IL12RB2: variants seen among roughly 807,000 people sequenced by gnomAD.
IL12RB2 encodes the protein interleukin 12 receptor subunit beta 2, also known as interleukin-12 receptor subunit beta-2.
IL12RB2 carries 82 observed loss-of-function variants against 89.4 expected under a neutral mutation model. The ratio of observed to expected loss-of-function variants is 0.92; its 90% CI spans 0.77 to 1.10. IL12RB2 has a LOEUF of 1.10. Among genes scored for constraint, IL12RB2 ranks in the 50% least tolerant of loss-of-function variants. IL12RB2 has a pLI of 0.00. For missense variants in IL12RB2, 963 were observed against 1,031.9 expected, an observed-to-expected ratio of 0.93 and a Z score of 0.92; for synonymous variants, 368 against 370.1, an observed-to-expected ratio of 0.99 and a Z score of 0.07.
chr1:67,326,192 A>G (rs1460073458), intron 4 of IL12RB2, among the ~76,000 whole-genome samples: 1 of 152,230 alleles, frequency 6.6e-6, no homozygotes, highest in Non-Finnish European at 1.5e-5. Flanking sequence ...TGAAGAAAGC[A>G]AATAAGTCTC....
chr1:67,365,009 C>G (rs919050516), intron 10 of IL12RB2, among the ~76,000 whole-genome samples: 5 of 152,180 alleles, frequency 3.3e-5, no homozygotes, highest in Admixed American at 3.3e-4. Flanking sequence ...AGAAAGATAG[C>G]TGGAAAATCC....
intron 1 of IL12RB2, among the ~76,000 whole-genome samples, chr1:67,312,270 A>G (rs936731939): frequency 6.6e-6 from 1 of 152,176 alleles, no homozygotes; most frequent in African/African-American, 2.4e-5. Context: ...CAGAGAGTGA[A>G]TCAGAGAAGG....
intron 2 of IL12RB2, among the ~76,000 whole-genome samples, chr1:67,319,810 G>T (rs1355399702): frequency 6.6e-6 from 1 of 152,092 alleles, no homozygotes; most frequent in Non-Finnish European, 1.5e-5. Flanking sequence ...AGGAGATGGG[G>T]TCTTTGGGAG....
In IL12RB2 at chr1:67,315,461, A is replaced by C. The variant is rs189211419; in HGVS notation, c.-37+1461A>C. Among the ~76,000 whole-genome samples, 14 of 152,254 alleles carry C rather than the reference A, an allele frequency of 9.2e-5. No individual in the cohort carries two copies. The East Asian group carries it at 2.7e-3, about 29-fold the overall frequency. Reference sequence around the variant, plus strand: ...TCAGTTATCTTCCAGTTCAATCCATAATTTTATCTATGCCAGAATATTCCA... The same window carrying C: ...TCAGTTATCTTCCAGTTCAATCCATCATTTTATCTATGCCAGAATATTCCA... On this transcript the variant is annotated intron_variant, in intron 2 of 16. Transcript: ENST00000674203.
chr1:67,318,810 A>G (rs146653006), intron 2 of IL12RB2, among the ~76,000 whole-genome samples: 5 of 152,008 alleles, frequency 3.3e-5, no homozygotes, highest in African/African-American at 1.2e-4. Context: ...GAGTTGATCT[A>G]CTCTGAAATC....
intron 13 of IL12RB2, among the ~76,000 whole-genome samples, chr1:67,376,048 A>G (rs762254517): frequency 3.3e-5 from 5 of 151,890 alleles, no homozygotes; most frequent in Admixed American, 1.3e-4. Flanking sequence ...GGGTTTCACC[A>G]TGTTAGCCAG....
chr1:67,372,390 C>T (rs1358203226), intron 11 of IL12RB2, 46 bp from the exon 12 acceptor site: 4 of 1,001,056 alleles, frequency 4.0e-6, no homozygotes, highest in Non-Finnish European at 6.4e-6. Flanking sequence ...TTTAGTGACT[C>T]ACCAGTAATG....
chr1:67,313,694 C>T (rs1004034292), intron 1 of IL12RB2, among the ~76,000 whole-genome samples: 24 of 152,002 alleles, frequency 1.6e-4, no homozygotes, highest in African/African-American at 5.3e-4. Context: ...GGTGTGGTGG[C>T]GCATGCTTAT....
At chr1:67,342,761 C>CTTT (rs71062413) in intron 9 of IL12RB2, among the ~76,000 whole-genome samples, 8,479 of 136,992 alleles carry the variant, frequency 0.062, 1,230 homozygotes, top group East Asian at 0.36. Context: ...AAAATCACAC[C>CTTT]TTTTTTTTTT....
At chr1:67,339,692 T>C (rs909046802) in intron 9 of IL12RB2, among the ~76,000 whole-genome samples, 1 of 152,154 alleles carries the variant, frequency 6.6e-6, no homozygotes, top group Admixed American at 6.5e-5. Context: ...AGGTAAGTAC[T>C]GGTACGCCCA....
chr1:67,375,827 G>A (rs868387605), intron 13 of IL12RB2, among the ~76,000 whole-genome samples: 2 of 151,732 alleles, frequency 1.3e-5, no homozygotes, highest in South Asian at 2.1e-4. Context: ...TAGAGCCACG[G>A]CCAGCACATT....
chr1:67,380,196 T>C, intron 14 of IL12RB2, 73 bp downstream of exon 14: 1 of 1,478,936 alleles, frequency 6.8e-7, no homozygotes, highest in Non-Finnish European at 9.5e-7. Context: ...TTACATTTGG[T>C]ATAGAGATAA....
chr1:67,343,517 A>G (rs1659887130), intron 9 of IL12RB2, among the ~76,000 whole-genome samples: 1 of 152,234 alleles, frequency 6.6e-6, no homozygotes, highest in Admixed American at 6.5e-5. Context: ...TTGCTTGATT[A>G]CGAATAGCCC....
Position 67,386,685 on chromosome 1 carries a change from C to T in IL12RB2, c.1946+16C>T, listed in dbSNP as rs1448148660. The T allele has an allele frequency of 6.6e-7, 1 of 1,511,838 alleles. No individual in the cohort carries two copies. The highest frequency in any genetic ancestry group is 1.7e-5 in the Admixed American group (1 of 59,826). 93.7% of individuals were successfully genotyped at this position (1,511,838 alleles called of 1,614,324 possible). A position where few individuals can be genotyped will look rare whatever the true frequency, so the allele number is the denominator to read the frequency against. On this transcript the variant is annotated intron_variant, in intron 15 of 16. Coordinates refer to ENST00000674203, the MANE Select transcript of IL12RB2 (RefSeq NM_001374259.2). ...TCCAGCAAAAGTGAGTTGGTTACAC[C>T]TACCAAGTGGGTAAATGAGGCTTTT...
At position 67,386,208 on chromosome 1, in the gene IL12RB2, C is replaced by CAAAAAA. The variant is rs755471388; in HGVS notation, c.1856-352_1856-347dup. 4.4e-4 allele frequency among the ~76,000 whole-genome samples: 24 copies of CAAAAAA among 54,432 alleles called. 1 individual carries two copies. Among genetic ancestry groups the CAAAAAA allele is most frequent in the East Asian group, 1.4e-3 (2 of 1,420 alleles). The allele number at this position is 54,432 out of a possible 152,430, so 35.7% of individuals were successfully genotyped here. A position where few individuals can be genotyped will look rare whatever the true frequency, so the allele number is the denominator to read the frequency against. On this transcript the variant is annotated intron_variant, in intron 14 of 16. Coordinates refer to ENST00000674203, the MANE Select transcript of IL12RB2 (RefSeq NM_001374259.2). Reference sequence around the variant, plus strand: ...TGGGAGACACAGTGAGACTCCATCTCAAAAAAAAAAAAAAAAAAAAAAAAG... The same window carrying CAAAAAA: ...TGGGAGACACAGTGAGACTCCATCTCAAAAAAAAAAAAAAAAAAAAAAAAAAAAAAG...
Position 67,327,003 on chromosome 1 carries a change from C to G in IL12RB2, c.479+154C>G, listed in dbSNP as rs540459851. ...TTGAGACGGAATCTCACTCTGTCAC[C>G]AGGCTAGAGTGCAGTGGCGCAATCT... On this transcript the variant is annotated intron_variant, in intron 5 of 16. Coordinates refer to ENST00000674203, the MANE Select transcript of IL12RB2 (RefSeq NM_001374259.2). 2.0e-5 allele frequency among the ~76,000 whole-genome samples: 3 copies of G among 147,752 alleles called. No individual in the cohort carries two copies. The East Asian group carries it at 5.9e-4, about 29-fold the overall frequency.
At chr1:67,369,227 T>C (rs2100993021) in intron 11 of IL12RB2, among the ~76,000 whole-genome samples, 1 of 152,320 alleles carries the variant, frequency 6.6e-6, no homozygotes, top group African/African-American at 2.4e-5. Context: ...GACCAAGTTA[T>C]TAGGAGCCTG....
intron 14 of IL12RB2, among the ~76,000 whole-genome samples, chr1:67,381,884 G>A (rs1237035004): frequency 6.6e-6 from 1 of 152,138 alleles, no homozygotes; most frequent in Non-Finnish European, 1.5e-5. Flanking sequence ...TACTTGGGAG[G>A]CTGAGGCAAG....
At position 67,307,877 on chromosome 1, in the gene IL12RB2, A is replaced by C. The variant is rs939799946; in HGVS notation, c.-215A>C. The stretch of plus-strand genomic sequence containing the variant: ...CGGGAACGCCCGAGCGCCGGCAGAG[A>C]GCGCGGAGAGCGCGACACGTGCGGC... On this transcript the variant is annotated 5_prime_UTR_variant, in exon 1 of 17. Transcript: ENST00000674203. 3 of 151,984 alleles carry C rather than the reference A, an allele frequency of 2.0e-5. No homozygotes were observed. The highest frequency in any genetic ancestry group is 1.9e-4 in the East Asian group (1 of 5,162). The allele number at this position is 151,984 out of a possible 1,614,324, so 9.4% of individuals were successfully genotyped here.
Sources: allele counts gnomAD v4.1 joint callset (sites outside exome capture counted in the v4.1 genomes callset), GRCh38; gene constraint gnomAD v4.1.1; transcripts MANE v1.5; gene names NCBI Gene and HGNC (gene_info 2026-07-23, HGNC 2026-07-21).